The following GIGYF2 variants were observed in gnomAD, a reference collection of about 807,000 sequenced individuals.
GIGYF2 encodes GRB10-interacting GYF protein 2.
GIGYF2 carries 25 observed loss-of-function variants against 208.1 expected under a neutral mutation model. That is an observed-to-expected ratio of 0.12 (90% CI 0.09 to 0.17). The LOEUF (loss-of-function observed/expected upper bound fraction) is 0.17, where lower values mean the gene tolerates loss of function less well. Ranked by LOEUF, GIGYF2 falls within the 10% of genes least tolerant of loss-of-function variation. The pLI, the probability that GIGYF2 is intolerant of heterozygous loss-of-function variation, is 1.00. For missense variants in GIGYF2, 1,302 were observed against 1,579.4 expected, an observed-to-expected ratio of 0.82 and a Z score of 2.98; for synonymous variants, 534 against 543.8, an observed-to-expected ratio of 0.98 and a Z score of 0.25.
intron 6 of GIGYF2, among the ~76,000 whole-genome samples, chr2:232,756,765 C>T (rs186071950): frequency 3.3e-4 from 50 of 152,284 alleles, no homozygotes; most frequent in Non-Finnish European, 4.6e-4. Flanking sequence ...ACAAAAACTG[C>T]CTCATCAGGA....
At chr2:232,762,251 T>G (rs1698772964) in intron 8 of GIGYF2, among the ~76,000 whole-genome samples, 1 of 143,368 alleles carries the variant, frequency 7.0e-6, no homozygotes, top group East Asian at 2.0e-4. Context: ...TTTTTTTTTG[T>G]TTTTTTTTGA....
At chr2:232,738,903 T>G (rs955579642) in intron 3 of GIGYF2, among the ~76,000 whole-genome samples, 1 of 152,218 alleles carries the variant, frequency 6.6e-6, no homozygotes, top group East Asian at 1.9e-4. Flanking sequence ...CTCCTGTGTG[T>G]TTGCTCTTGA....
chr2:232,736,325 T>C, intron 3 of GIGYF2: 1 of 346,916 alleles, frequency 2.9e-6, no homozygotes, highest in Non-Finnish European at 4.1e-6. Flanking sequence ...AAATTAGAAA[T>C]AACTAGTAAG....
chr2:232,710,099 A>G (rs1317772176), intron 2 of GIGYF2, among the ~76,000 whole-genome samples: 1 of 151,808 alleles, frequency 6.6e-6, no homozygotes, highest in African/African-American at 2.4e-5. Context: ...AGCTGGGACT[A>G]CAGGCACCCG....
chr2:232,857,145 T>C lies in GIGYF2; in HGVS notation c.*285T>C. ...GATTTTAGGCAGCATGTGTTCACTG[T>C]GCTGTGATTTCATCTACTGTCTCCC... On this transcript the variant is annotated 3_prime_UTR_variant, in exon 29 of 29. Coordinates refer to ENST00000373563, the MANE Select transcript of GIGYF2 (RefSeq NM_001103146.3). The C allele has an allele frequency of 2.0e-6, 1 of 506,824 alleles. No individual in the cohort carries two copies. Among genetic ancestry groups the C allele is most frequent in the South Asian group, 2.2e-5 (1 of 46,224 alleles). The allele number at this position is 506,824 out of a possible 1,614,324, so 31.4% of individuals were successfully genotyped here.
At chr2:232,798,493 T>A (rs557796032) in intron 14 of GIGYF2, among the ~76,000 whole-genome samples, 1 of 152,348 alleles carries the variant, frequency 6.6e-6, no homozygotes, top group South Asian at 2.1e-4. Context: ...CCAAACTGTT[T>A]CCCAGAGTGG....
chr2:232,698,070 A>G (rs1355735726), intron 1 of GIGYF2, among the ~76,000 whole-genome samples: 3 of 152,208 alleles, frequency 2.0e-5, no homozygotes, highest in Non-Finnish European at 4.4e-5. Flanking sequence ...TCAGGTTGAA[A>G]TGGGCATTAT....
intron 5 of GIGYF2, among the ~76,000 whole-genome samples, chr2:232,752,467 G>A (rs1365810085): frequency 6.6e-6 from 1 of 152,124 alleles, no homozygotes; most frequent in Non-Finnish European, 1.5e-5. Context: ...AGAAAAAAAT[G>A]CATTACACCT....
intron 17 of GIGYF2, 72 bp from the exon 18 acceptor site, chr2:232,812,319 A>C: frequency 2.3e-5 from 17 of 734,308 alleles, no homozygotes; most frequent in Non-Finnish European, 2.7e-5. Context: ...TAATCTAGAA[A>C]TTCCTCTTCA....
rs10645449 is a variant in GIGYF2, at chr2:232,784,386, C to CTTTTTTTTTTTT, written c.533-2754_533-2743dup. Among the ~76,000 whole-genome samples, 374 of 92,296 alleles carry CTTTTTTTTTTTT rather than the reference C, an allele frequency of 4.1e-3. 41 individuals are homozygous for CTTTTTTTTTTTT. The highest frequency in any genetic ancestry group is 6.1e-3 in the Non-Finnish European group (297 of 49,038). The allele number at this position is 92,296 out of a possible 152,430, so 60.5% of individuals were successfully genotyped here. A position where few individuals can be genotyped will look rare whatever the true frequency, so the allele number is the denominator to read the frequency against. ...TCTAGCTACTTACACGAAATAATTT[C>CTTTTTTTTTTTT]TTTTTTTTTTTTTTTTTTTTTGAGA... is the stretch of plus-strand genomic sequence containing the variant. On this transcript the variant is annotated intron_variant, in intron 8 of 28. Transcript: ENST00000373563.
At chr2:232,788,660 T>A (rs1699987500) in intron 9 of GIGYF2, 1 of 421,642 alleles carries the variant, frequency 2.4e-6, no homozygotes, top group Admixed American at 2.5e-5. Context: ...TTAAAGGGAG[T>A]TTAACAAAGT....
chr2:232,797,796 C>T (rs1190482921), intron 14 of GIGYF2, among the ~76,000 whole-genome samples: 29 of 151,988 alleles, frequency 1.9e-4, no homozygotes, highest in Non-Finnish European at 7.4e-5. Context: ...GACTGGCCAA[C>T]ATGGTGAAAC....
At chr2:232,789,792 CTTTTAGA>C (rs1700016950) in intron 9 of GIGYF2, among the ~76,000 whole-genome samples, 2 of 151,946 alleles carry the variant, frequency 1.3e-5, no homozygotes, top group African/African-American at 4.8e-5. Flanking sequence ...TTTTAAGACT[CTTTTAGA>C]CTCAGGTCTG....
intron 14 of GIGYF2, among the ~76,000 whole-genome samples, chr2:232,804,966 A>G (rs1700515181): frequency 1.3e-5 from 2 of 150,530 alleles, no homozygotes; most frequent in East Asian, 2.0e-4. Context: ...AACATACTAT[A>G]TGTGATTTTT....
chr2:232,756,197 CTTTTTTTT>C lies in GIGYF2; in HGVS notation c.268-13_268-6del, dbSNP rs759525243. ...TTTTCTTTCTTTTTTTCCTTTTTCTCTTTTTTTTTTTTTTTTTTTTGGCAGAGAAACTT... is the reference window on the plus strand; with the variant it reads ...TTTTCTTTCTTTTTTTCCTTTTTCTCTTTTTTTTTTTTGGCAGAGAAACTT... On this transcript the variant is annotated intron_variant, in intron 5 of 28. Transcript: ENST00000373563. The C allele has an allele frequency of 1.4e-4, 103 of 710,506 alleles. No homozygotes were observed. The highest frequency in any genetic ancestry group is 3.9e-4 in the African/African-American group (16 of 40,902). The allele number at this position is 710,506 out of a possible 1,614,324, so 44.0% of individuals were successfully genotyped here. A position where few individuals can be genotyped will look rare whatever the true frequency, so the allele number is the denominator to read the frequency against.
rs1309716016 is a variant in GIGYF2 at position 232,812,699 on chromosome 2, G to A, written c.2107+208G>A. Among the ~76,000 whole-genome samples the A allele has an allele frequency of 2.6e-5, 4 of 152,016 alleles. No individual in the cohort carries two copies. In the East Asian group the frequency reaches 7.7e-4, roughly 29 times the overall value. On this transcript the variant is annotated intron_variant, in intron 18 of 28. Transcript: ENST00000373563. Reference sequence around the variant, plus strand: ...AGGATTTGTTTGAATTTATTTAGTGGATTTTTTTTTGAGTCAGCATCTCTT... The same window carrying A: ...AGGATTTGTTTGAATTTATTTAGTGAATTTTTTTTTGAGTCAGCATCTCTT...
At chr2:232,812,323 C>A in intron 17 of GIGYF2, 68 bp from the exon 18 acceptor site, 1 of 762,052 alleles carries the variant, frequency 1.3e-6, no homozygotes, top group Non-Finnish European at 2.4e-6. Context: ...CTAGAAATTC[C>A]TCTTCATCTT....
intron 8 of GIGYF2, among the ~76,000 whole-genome samples, chr2:232,783,699 T>C (rs1012081450): frequency 1.3e-5 from 2 of 152,136 alleles, no homozygotes; most frequent in African/African-American, 4.8e-5. Context: ...TTTGTTTGTT[T>C]GTTTGAGATG....
chr2:232,737,560 G>T (rs1333868528), intron 3 of GIGYF2, among the ~76,000 whole-genome samples: 2 of 152,116 alleles, frequency 1.3e-5, no homozygotes, highest in East Asian at 3.9e-4. Context: ...AGTAACCCAA[G>T]TAATCCTGAG....
Sources: gnomAD v4.1 joint callset for allele counts (sites outside exome capture counted in the v4.1 genomes callset) on GRCh38, gnomAD v4.1.1 for gene constraint, MANE v1.5 for transcripts, NCBI Gene and HGNC (gene_info 2026-07-23, HGNC 2026-07-21) for gene names.